Variants in KCNAB1 observed in about 807,000 individuals in gnomAD.
KCNAB1 encodes the protein potassium voltage-gated channel subfamily A regulatory beta subunit 1, also known as voltage-gated potassium channel subunit beta-1.
A neutral mutation model predicts 64.6 loss-of-function variants in KCNAB1; 35 were observed. The ratio of observed to expected loss-of-function variants is 0.54; its 90% confidence interval spans 0.41 to 0.72. The LOEUF (loss-of-function observed/expected upper bound fraction) is 0.72. KCNAB1 is among the 30% of genes least tolerant of loss of function. The probability of loss-of-function intolerance (pLI) is 0.00; values close to 1 mark genes in which losing one functional copy is unlikely to be tolerated. For missense variants in KCNAB1, 401 were observed against 512.9 expected, an observed-to-expected ratio of 0.78 and a Z score of 2.11; for synonymous variants, 177 against 183.8, an observed-to-expected ratio of 0.96 and a Z score of 0.30.
chr3:156,379,626 G>A (rs1294491900), intron 1 of KCNAB1, among the ~76,000 whole-genome samples: 1 of 152,330 alleles, frequency 6.6e-6, no homozygotes, highest in East Asian at 1.9e-4. Context: ...GAACCACAGA[G>A]TGAACAAGGG....
chr3:156,317,351 C>G (rs1281339141), intron 1 of KCNAB1, among the ~76,000 whole-genome samples: 2 of 152,064 alleles, frequency 1.3e-5, no homozygotes, highest in Non-Finnish European at 2.9e-5. Flanking sequence ...GCTTTTATAA[C>G]TTGGTTATAA....
chr3:156,139,607 T>TTTTTTTTTTTTTG (rs1714587983), intron 1 of KCNAB1, among the ~76,000 whole-genome samples: 1 of 149,056 alleles, frequency 6.7e-6, no homozygotes, highest in East Asian at 2.0e-4. Flanking sequence ...TTTTTTTTTT[T>TTTTTTTTTTTTTG]TTTGTTCCCC....
chr3:156,442,128 G>A (rs1576871330), intron 2 of KCNAB1, among the ~76,000 whole-genome samples: 2 of 152,202 alleles, frequency 1.3e-5, no homozygotes, highest in Admixed American at 6.5e-5. Flanking sequence ...CAGTTTGGGA[G>A]TGTCATGCCT....
At position 156,146,506 on chromosome 3, in the gene KCNAB1, C is replaced by A. The variant is rs1715046306; in HGVS notation, c.275+25620C>A. On this transcript the variant is annotated intron_variant, in intron 1 of 13. Transcript: ENST00000490337. ...GAGTTAAGATGTAGCAAATACCTAG[C>A]TTTGAAGCAATCTTATAATACTAAC... is the stretch of plus-strand genomic sequence containing the variant. Among the ~76,000 whole-genome samples, 2 of 152,134 alleles carry A rather than the reference C, an allele frequency of 1.3e-5. 1 individual carries two copies. Among genetic ancestry groups the A allele is most frequent in the South Asian group, 4.1e-4 (2 of 4,830 alleles).
intron 1 of KCNAB1, among the ~76,000 whole-genome samples, chr3:156,335,091 C>T (rs1343033726): frequency 6.6e-6 from 1 of 152,226 alleles, no homozygotes; most frequent in South Asian, 2.1e-4. Context: ...GCATGACAGA[C>T]AGTGCCCTCC....
At chr3:156,194,963 A>T (rs1410041921) in intron 1 of KCNAB1, among the ~76,000 whole-genome samples, 1 of 151,480 alleles carries the variant, frequency 6.6e-6, no homozygotes, top group African/African-American at 2.4e-5. Context: ...AGGCCCGGGT[A>T]TGTGATGTTC....
chr3:156,265,526 C>T (rs1406154420), intron 1 of KCNAB1, among the ~76,000 whole-genome samples: 2 of 152,174 alleles, frequency 1.3e-5, no homozygotes, highest in African/African-American at 2.4e-5. Context: ...ACGTGATTCT[C>T]CATACCTGAG....
At chr3:156,170,686 A>G (rs920816956) in intron 1 of KCNAB1, among the ~76,000 whole-genome samples, 1 of 152,226 alleles carries the variant, frequency 6.6e-6, no homozygotes, top group East Asian at 1.9e-4. Flanking sequence ...TTGGTTTCCA[A>G]CATGCTCCAG....
At chr3:156,477,204 C>T (rs942485059) in intron 8 of KCNAB1, among the ~76,000 whole-genome samples, 1 of 152,090 alleles carries the variant, frequency 6.6e-6, no homozygotes, top group African/African-American at 2.4e-5. Context: ...AAAATAATTG[C>T]TGCTGCCCAG....
At position 156,266,251 on chromosome 3, in the gene KCNAB1, T is replaced by A. The variant is rs151014299; in HGVS notation, c.275+145365T>A. ...CATACTGCATTACTCCCATTTTCTC[T>A]CCTTCATTACTATAGAACTATGTAA... is the stretch of plus-strand genomic sequence containing the variant. On this transcript the variant is annotated intron_variant, in intron 1 of 13. Transcript: ENST00000490337. 5.9e-3 allele frequency among the ~76,000 whole-genome samples: 895 copies of A among 152,252 alleles called. 10 individuals are homozygous for A. The highest frequency in any genetic ancestry group is 0.021 in the African/African-American group (879 of 41,524).
intron 13 of KCNAB1, among the ~76,000 whole-genome samples, chr3:156,533,998 G>A (rs1718880183): frequency 1.3e-5 from 2 of 152,210 alleles, no homozygotes; most frequent in South Asian, 4.1e-4. Context: ...GCTGGCAGCA[G>A]GATGAGGCTT....
At chr3:156,424,181 G>C (rs936461569) in intron 2 of KCNAB1, among the ~76,000 whole-genome samples, 2 of 152,166 alleles carry the variant, frequency 1.3e-5, no homozygotes, top group Non-Finnish European at 2.9e-5. Context: ...ACATTGGAGA[G>C]TGGCAGTGAG....
intron 1 of KCNAB1, among the ~76,000 whole-genome samples, chr3:156,371,434 T>G (rs1466416730): frequency 2.0e-5 from 3 of 152,198 alleles, no homozygotes; most frequent in Admixed American, 2.0e-4. Context: ...CTGTTCTATT[T>G]TTTCTGCTGA....
intron 2 of KCNAB1, among the ~76,000 whole-genome samples, chr3:156,430,414 A>G (rs75919220): frequency 0.034 from 5,216 of 152,270 alleles, 159 homozygotes; most frequent in African/African-American, 0.077. Context: ...TTGCCAACCT[A>G]TGATTCAAAA....
chr3:156,252,659 A>T (rs1717896038), intron 1 of KCNAB1, among the ~76,000 whole-genome samples: 1 of 152,190 alleles, frequency 6.6e-6, no homozygotes, highest in Non-Finnish European at 1.5e-5. Context: ...AATATATAGG[A>T]AGAAATACCC....
intron 5 of KCNAB1, among the ~76,000 whole-genome samples, chr3:156,461,604 C>T (rs970687681): frequency 2.0e-5 from 3 of 152,108 alleles, no homozygotes; most frequent in Admixed American, 6.5e-5. Flanking sequence ...GAGATAATTC[C>T]ACTAATAGTA....
chr3:156,130,119 T>C (rs1319589796), intron 1 of KCNAB1, among the ~76,000 whole-genome samples: 1 of 152,238 alleles, frequency 6.6e-6, no homozygotes, highest in Non-Finnish European at 1.5e-5. Context: ...AAAACATCTG[T>C]GTTATCCATC....
intron 1 of KCNAB1, among the ~76,000 whole-genome samples, chr3:156,180,117 A>T (rs1195715309): frequency 6.6e-6 from 1 of 152,228 alleles, no homozygotes. Context: ...GTCAGAGGTC[A>T]CTCAGCCTAT....
At chr3:156,139,584 GTTTTTTTTTTTTTT>G (rs386398329) in intron 1 of KCNAB1, among the ~76,000 whole-genome samples, 3 of 55,256 alleles carry the variant, frequency 5.4e-5, no homozygotes, top group South Asian at 8.3e-4. Flanking sequence ...ATTGTACTGT[GTTTTTTTTTTTTTT>G]TTTTTTTTTT....
Sources: allele counts gnomAD v4.1 joint callset (sites outside exome capture counted in the v4.1 genomes callset), GRCh38; gene constraint gnomAD v4.1.1; transcripts MANE v1.5; gene names NCBI Gene and HGNC (gene_info 2026-07-23, HGNC 2026-07-21).